Variants in NAMPT observed in about 807,000 individuals in gnomAD.
NAMPT encodes NAmPRTase.
Under a neutral mutation model 58.7 loss-of-function variants are expected in NAMPT, and 7 were observed. That is an observed-to-expected ratio of 0.12 (90% confidence interval 0.07 to 0.22). NAMPT has a LOEUF of 0.22. NAMPT is among the 10% of genes least tolerant of loss of function. The pLI, the probability that NAMPT is intolerant of heterozygous loss-of-function variation, is 1.00. For synonymous variants in NAMPT, 145 were observed against 198.1 expected, an observed-to-expected ratio of 0.73 and a Z score of 2.25; for missense variants, 271 against 567.9, an observed-to-expected ratio of 0.48 and a Z score of 5.31.
rs1792660550 is a variant in NAMPT at position 106,277,011 on chromosome 7, G to GAAAAGTAATACCTTTTAA, written c.208_214+11dup. 1 of 1,559,494 alleles carries GAAAAGTAATACCTTTTAA rather than the reference G, an allele frequency of 6.4e-7. No individual in the cohort carries two copies. Among genetic ancestry groups the GAAAAGTAATACCTTTTAA allele is most frequent in the Non-Finnish European group, 8.8e-7 (1 of 1,130,862 alleles). On this transcript the variant is annotated intron_variant, in intron 2 of 10. Coordinates refer to ENST00000222553, the MANE Select transcript of NAMPT (RefSeq NM_005746.3). Reference sequence around the variant, plus strand: ...ATAAGCAGTGTTTAAAATATACTAGGAAAAGTAATACCTTTTAAGTACTTA... The same window carrying GAAAAGTAATACCTTTTAA: ...ATAAGCAGTGTTTAAAATATACTAGGAAAAGTAATACCTTTTAAAAAAGTAATACCTTTTAAGTACTTA...
rs759355418 is a variant in NAMPT, at chr7:106,284,852, G to A, written c.33C>T (p.Ile11=). The change falls in exon 1 of 11, where the codon ATC becomes ATT. Residue 11 remains isoleucine, a synonymous_variant. Transcript: ENST00000222553. The part of the protein sequence containing the change: MNPAAEAEFN[I]LLATDSYKVT... ...CCTTGTAGGAGTCGGTGGCCAGGAGGATGTTGAACTCGGCTTCTGCCGCAG... is the reference window on the plus strand; with the variant it reads ...CCTTGTAGGAGTCGGTGGCCAGGAGAATGTTGAACTCGGCTTCTGCCGCAG... 5 of 1,576,736 alleles carry A rather than the reference G, an allele frequency of 3.2e-6. No individual in the cohort carries two copies. Among genetic ancestry groups the A allele is most frequent in the South Asian group, 1.2e-5 (1 of 86,294 alleles).
At chr7:106,257,032 C>T (rs560363545) in intron 8 of NAMPT, among the ~76,000 whole-genome samples, 7 of 151,854 alleles carry the variant, frequency 4.6e-5, no homozygotes, top group South Asian at 2.1e-4. Context: ...AAAAAGTAGC[C>T]GGGCGTGGTG....
Position 106,261,579 on chromosome 7 carries a change from A to G in NAMPT, c.1089+9T>C. On this transcript the variant is annotated intron_variant, in intron 8 of 10. Transcript: ENST00000222553. ...TGCCTTATTGAAACTTTTAATATAA[A>G]ACACATACCTCTTGTAAGGTATTAA... 6.5e-7 allele frequency: 1 copy of G among 1,535,408 alleles called. No individual in the cohort carries two copies. Among genetic ancestry groups the G allele is most frequent in the South Asian group, 1.2e-5 (1 of 83,852 alleles).
At chr7:106,273,956 A>C (rs1381830640) in intron 3 of NAMPT, among the ~76,000 whole-genome samples, 2 of 151,948 alleles carry the variant, frequency 1.3e-5, no homozygotes, top group Non-Finnish European at 2.9e-5. Flanking sequence ...TGTGAGACTT[A>C]AAAGTAACAC....
In NAMPT at chr7:106,248,883, A is replaced by G. The variant is rs1429872407; in HGVS notation, c.*2200T>C. ...AGAAAGTCAGAATTAATCAGTTCCA[A>G]GTGACTAAGAGCCAATAGAATTAAT... On this transcript the variant is annotated 3_prime_UTR_variant, in exon 11 of 11. Coordinates refer to ENST00000222553, the MANE Select transcript of NAMPT (RefSeq NM_005746.3). 1 of 152,098 alleles carries G rather than the reference A, an allele frequency of 6.6e-6. No homozygotes were observed. Among genetic ancestry groups the G allele is most frequent in the African/African-American group, 2.4e-5 (1 of 41,454 alleles). The allele number at this position is 152,098 out of a possible 1,614,324, so 9.4% of individuals were successfully genotyped here.
intron 6 of NAMPT, 140 bp downstream of exon 6, chr7:106,268,324 A>G: frequency 2.7e-6 from 2 of 738,288 alleles, no homozygotes; most frequent in South Asian, 4.0e-5. Context: ...ATACTTTTGT[A>G]TAAATACTGA....
chr7:106,257,221 T>C (rs994784807), intron 8 of NAMPT, among the ~76,000 whole-genome samples: 1 of 152,034 alleles, frequency 6.6e-6, no homozygotes, highest in South Asian at 2.1e-4. Context: ...AATCCTCTAA[T>C]TGTTCTGTTT....
rs191038965 is a variant in NAMPT, at chr7:106,253,006, T to C, written c.1365+11A>G. On this transcript the variant is annotated intron_variant, in intron 10 of 10. Transcript: ENST00000222553. ...TATTGCTTAAAAAAACCAATCAGCA[T>C]AGATACATACCTGACCATATTCCTC... is the stretch of plus-strand genomic sequence containing the variant. The C allele has an allele frequency of 4.1e-5, 66 of 1,611,844 alleles. No homozygotes were observed. In the Admixed American group the frequency reaches 1.1e-3, roughly 26 times the overall value.
At chr7:106,260,779 A>C (rs985015894) in intron 8 of NAMPT, among the ~76,000 whole-genome samples, 5 of 152,216 alleles carry the variant, frequency 3.3e-5, no homozygotes, top group Admixed American at 3.3e-4. Context: ...GGGAAACTTG[A>C]AGTGAGCAGA....
chr7:106,279,765 A>G (rs981435573), intron 1 of NAMPT, among the ~76,000 whole-genome samples: 1 of 152,228 alleles, frequency 6.6e-6, no homozygotes, highest in African/African-American at 2.4e-5. Context: ...AAGAAAAAAA[A>G]TATATTAATT....
chr7:106,280,940 CA>C (rs563435444), intron 1 of NAMPT, among the ~76,000 whole-genome samples: 28 of 140,216 alleles, frequency 2.0e-4, no homozygotes, highest in Middle Eastern at 3.3e-3. Flanking sequence ...CACTCCGTCT[CA>C]AAAAAAAAAC....
chr7:106,280,651 T>TAAAG (rs1792743570), intron 1 of NAMPT, among the ~76,000 whole-genome samples: 1 of 152,076 alleles, frequency 6.6e-6, no homozygotes. Context: ...ACATATGTGG[T>TAAAG]AAAGAACTGG....
chr7:106,280,484 T>C (rs988817294), intron 1 of NAMPT, among the ~76,000 whole-genome samples: 44 of 152,356 alleles, frequency 2.9e-4, no homozygotes, highest in African/African-American at 8.7e-4. Flanking sequence ...TGACTTCTAT[T>C]ACTAAAGAAA....
At chr7:106,266,652 C>T (rs937838659) in intron 6 of NAMPT, among the ~76,000 whole-genome samples, 2 of 152,160 alleles carry the variant, frequency 1.3e-5, no homozygotes, top group African/African-American at 4.8e-5. Context: ...TTACCTATTT[C>T]TTTCCATTTA....
chr7:106,262,677 T>A (rs1792328016), intron 7 of NAMPT, among the ~76,000 whole-genome samples: 1 of 152,112 alleles, frequency 6.6e-6, no homozygotes, highest in Non-Finnish European at 1.5e-5. Context: ...ACACTGGATA[T>A]CTGACTCCTT....
chr7:106,280,671 G>A (rs1267961892), intron 1 of NAMPT, among the ~76,000 whole-genome samples: 4 of 152,170 alleles, frequency 2.6e-5, no homozygotes, highest in South Asian at 2.1e-4. Context: ...GCCGGGCACG[G>A]TGGCTCATGC....
At chr7:106,277,375 G>A (rs1042427841) in intron 1 of NAMPT, among the ~76,000 whole-genome samples, 196 bp from the exon 2 acceptor site, 7 of 152,130 alleles carry the variant, frequency 4.6e-5, no homozygotes, top group African/African-American at 1.2e-4. Flanking sequence ...TAAAACCACA[G>A]GAGAGCGTTA....
intron 1 of NAMPT, among the ~76,000 whole-genome samples, chr7:106,278,515 G>A (rs1562819305): frequency 6.6e-6 from 1 of 152,124 alleles, no homozygotes; most frequent in African/African-American, 2.4e-5. Context: ...GGCTTATTAA[G>A]GTTAGAATCC....
chr7:106,275,957 A>T (rs1328168303), intron 2 of NAMPT: 1 of 152,266 alleles, frequency 6.6e-6, no homozygotes, highest in Non-Finnish European at 1.5e-5. Context: ...GGAGCCTGGG[A>T]GGCAGAGGTT....
Sources: allele counts gnomAD v4.1 joint callset (sites outside exome capture counted in the v4.1 genomes callset), GRCh38; gene constraint gnomAD v4.1.1; transcripts MANE v1.5; gene names NCBI Gene and HGNC (gene_info 2026-07-23, HGNC 2026-07-21).